Variants in B3GALT1 observed in about 807,000 individuals in gnomAD.
B3GALT1 encodes beta-1,3-galactosyltransferase 1, also known as UDP-Gal:betaGlcNAc beta 1,3-galactosyltransferase, polypeptide 1.
Under a neutral mutation model 23.2 loss-of-function variants are expected in B3GALT1, and 10 were observed. That is an observed-to-expected ratio of 0.43 (90% CI 0.27 to 0.73). B3GALT1 has a LOEUF of 0.73. B3GALT1 is among the 30% of genes least tolerant of loss of function. B3GALT1 has a pLI of 0.21. For synonymous variants in B3GALT1, 156 were observed against 141.5 expected (o/e 1.10, Z -0.73); for missense variants, 299 against 405.4 (o/e 0.74, Z 2.25).
chr2:167,429,100 A>G (rs1040639828), intron 1 of B3GALT1, among the ~76,000 whole-genome samples: 7 of 151,970 alleles, frequency 4.6e-5, no homozygotes, highest in Non-Finnish European at 1.0e-4. Flanking sequence ...TAACACGGTG[A>G]AACCCCGTCT....
At chr2:167,368,113 T>C (rs73019775) in intron 1 of B3GALT1, among the ~76,000 whole-genome samples, 2,465 of 152,278 alleles carry the variant, frequency 0.016, 70 homozygotes, top group African/African-American at 0.056. Flanking sequence ...GCATGACACC[T>C]TCATCTCAAG....
chr2:167,621,200 C>A (rs938915937), intron 2 of B3GALT1, among the ~76,000 whole-genome samples: 89 of 150,304 alleles, frequency 5.9e-4, no homozygotes, highest in African/African-American at 2.1e-3. Flanking sequence ...GCAATCCTGC[C>A]ACGTCAGCCT....
intron 3 of B3GALT1, among the ~76,000 whole-genome samples, chr2:167,806,720 T>A (rs1004646840): frequency 1.2e-4 from 19 of 152,346 alleles, no homozygotes; most frequent in African/African-American, 4.6e-4. Flanking sequence ...TGGTTGCCAG[T>A]ATTTTATTGA....
At chr2:167,536,168 A>G (rs1221731800) in intron 2 of B3GALT1, among the ~76,000 whole-genome samples, 2 of 152,136 alleles carry the variant, frequency 1.3e-5, no homozygotes, top group African/African-American at 4.8e-5. Flanking sequence ...CGGCCTCCCA[A>G]AGTGCTGGGA....
At position 167,413,661 on chromosome 2, in the gene B3GALT1, A is replaced by G. The variant is rs373160466; in HGVS notation, c.-510-76516A>G. Among the ~76,000 whole-genome samples, 3 of 152,048 alleles carry G rather than the reference A, an allele frequency of 2.0e-5. No homozygotes were observed. The East Asian group carries it at 5.8e-4, about 29-fold the overall frequency. On this transcript the variant is annotated intron_variant, in intron 1 of 4. Coordinates refer to ENST00000392690, the MANE Select transcript of B3GALT1 (RefSeq NM_020981.4). The stretch of plus-strand genomic sequence containing the variant: ...TTAAATTTTATGTTTTCAAGTGTCA[A>G]TATTACTACAGATTTCTTCAGGTTT...
intron 2 of B3GALT1, among the ~76,000 whole-genome samples, chr2:167,529,864 TTCCCCCAAA>T (rs1683291412): frequency 2.0e-5 from 3 of 152,028 alleles, no homozygotes; most frequent in Admixed American, 2.0e-4. Flanking sequence ...GACTCTACCC[TTCCCCCAAA>T]TCTATTCTTT....
chr2:167,326,117 C>A (rs1696888971), intron 1 of B3GALT1, among the ~76,000 whole-genome samples: 1 of 151,670 alleles, frequency 6.6e-6, no homozygotes, highest in Non-Finnish European at 1.5e-5. Context: ...TTAGTAATCA[C>A]CATTCTTACT....
intron 1 of B3GALT1, among the ~76,000 whole-genome samples, chr2:167,427,338 T>G (rs1481010283): frequency 6.6e-6 from 1 of 152,168 alleles, no homozygotes; most frequent in Non-Finnish European, 1.5e-5. Flanking sequence ...CTTTTTTGTG[T>G]GTGTGAATTT....
intron 1 of B3GALT1, among the ~76,000 whole-genome samples, chr2:167,432,227 G>A (rs1698717105): frequency 6.6e-6 from 1 of 152,140 alleles, no homozygotes; most frequent in African/African-American, 2.4e-5. Context: ...CAGAGAGTTG[G>A]CTGAACACTC....
chr2:167,389,649 T>A, intron 1 of B3GALT1, among the ~76,000 whole-genome samples: 1 of 152,040 alleles, frequency 6.6e-6, no homozygotes. Flanking sequence ...ATGACAGTTA[T>A]AGGAAATTTG....
chr2:167,553,028 C>T (rs751301634), intron 2 of B3GALT1, among the ~76,000 whole-genome samples: 1 of 152,068 alleles, frequency 6.6e-6, no homozygotes, highest in South Asian at 2.1e-4. Flanking sequence ...CTATTTTATC[C>T]CTGATTATAT....
At chr2:167,301,557 T>C (rs1296187369) in intron 1 of B3GALT1, among the ~76,000 whole-genome samples, 1 of 152,174 alleles carries the variant, frequency 6.6e-6, no homozygotes, top group African/African-American at 2.4e-5. Context: ...TTTGTTTGTT[T>C]ATTTATTTAT....
chr2:167,466,173 T>C (rs1273247959), intron 1 of B3GALT1, among the ~76,000 whole-genome samples: 1 of 152,238 alleles, frequency 6.6e-6, no homozygotes, highest in Admixed American at 6.5e-5. Flanking sequence ...TTCATTGATG[T>C]GTCCTGGGAG....
At chr2:167,538,057 A>G (rs1165303296) in intron 2 of B3GALT1, among the ~76,000 whole-genome samples, 1 of 152,096 alleles carries the variant, frequency 6.6e-6, no homozygotes, top group Non-Finnish European at 1.5e-5. Context: ...TCCTGACTTC[A>G]GGTGATCCAC....
intron 2 of B3GALT1, among the ~76,000 whole-genome samples, chr2:167,539,144 A>G (rs1190053096): frequency 6.6e-6 from 1 of 152,180 alleles, no homozygotes; most frequent in East Asian, 1.9e-4. Flanking sequence ...CAAATAGGTT[A>G]ATTTCCTTAA....
chr2:167,437,374 A>G (rs1698806596), intron 1 of B3GALT1, among the ~76,000 whole-genome samples: 1 of 152,170 alleles, frequency 6.6e-6, no homozygotes, highest in Admixed American at 6.5e-5. Context: ...TCTTTAAGTT[A>G]TGCTTCCTGT....
chr2:167,357,357 T>A (rs1697432751), intron 1 of B3GALT1, among the ~76,000 whole-genome samples: 1 of 152,066 alleles, frequency 6.6e-6, no homozygotes, highest in Non-Finnish European at 1.5e-5. Context: ...AACCAACAAA[T>A]ATTTAATTAA....
In B3GALT1 at chr2:167,420,323, A is replaced by G. The variant is rs905421396; in HGVS notation, c.-510-69854A>G. Among the ~76,000 whole-genome samples the G allele has an allele frequency of 6.6e-5, 10 of 152,350 alleles. No homozygotes were observed. The South Asian group carries it at 1.9e-3, about 28-fold the overall frequency. On this transcript the variant is annotated intron_variant, in intron 1 of 4. Transcript: ENST00000392690. The stretch of plus-strand genomic sequence containing the variant: ...TTCCACTTAAACTGGTGAAAAATGG[A>G]TAGCAGCTGGATTGCTTGGCAAACT...
chr2:167,516,871 AT>A (rs536241801), intron 2 of B3GALT1, among the ~76,000 whole-genome samples: 107 of 151,580 alleles, frequency 7.1e-4, no homozygotes, highest in African/African-American at 2.5e-3. Flanking sequence ...GCTCTTCAAG[AT>A]TTACTTCATG....
Sources: allele counts gnomAD v4.1 joint callset (sites outside exome capture counted in the v4.1 genomes callset), GRCh38; gene constraint gnomAD v4.1.1; transcripts MANE v1.5; gene names NCBI Gene and HGNC (gene_info 2026-07-23, HGNC 2026-07-21).